The following BMF variants were observed in gnomAD, a reference collection of about 807,000 sequenced individuals.
The protein encoded by BMF is bcl-2-modifying factor.
BMF carries 10 observed loss-of-function variants against 22.0 expected under a neutral mutation model. The observed-to-expected ratio is 0.45, with a 90% confidence interval of 0.28 to 0.77. The LOEUF is 0.77. BMF is among the 30% of genes least tolerant of loss of function. The probability of loss-of-function intolerance (pLI) is 0.13; values close to 1 mark genes in which losing one functional copy is unlikely to be tolerated. For synonymous variants in BMF, 87 were observed against 88.1 expected, an observed-to-expected ratio of 0.99 and a Z score of 0.07; for missense variants, 206 against 226.8, an observed-to-expected ratio of 0.91 and a Z score of 0.59.
At chr15:40,104,943 T>G (rs1046159964) in intron 3 of BMF, among the ~76,000 whole-genome samples, 1 of 152,170 alleles carries the variant, frequency 6.6e-6, no homozygotes. Flanking sequence ...ACTTACCCAG[T>G]GCACGCGTTA....
chr15:40,091,940 G>A lies in BMF; in HGVS notation c.454-52C>T, dbSNP rs752020219. 9.1e-6 allele frequency: 12 copies of A among 1,323,120 alleles called. No homozygotes were observed. The African/African-American group carries it at 1.8e-4, about 20-fold the overall frequency. 82.0% of individuals were successfully genotyped at this position (1,323,120 alleles called of 1,614,324 possible). On this transcript the variant is annotated intron_variant, in intron 4 of 4. Coordinates refer to ENST00000354670, the MANE Select transcript of BMF (RefSeq NM_001003940.2). ...AACATAACTCCCAAACGCAATCTTA[G>A]ACGACTCCCTCTCATTTCCAGTAAA...
intron 4 of BMF, among the ~76,000 whole-genome samples, chr15:40,099,146 C>T (rs1020801269): frequency 3.9e-5 from 6 of 152,224 alleles, no homozygotes; most frequent in Non-Finnish European, 8.8e-5. Context: ...CCGGGGCTGT[C>T]CCATCTAGAC....
intron 4 of BMF, among the ~76,000 whole-genome samples, chr15:40,092,483 G>A (rs1236951624): frequency 6.6e-6 from 1 of 151,778 alleles, no homozygotes; most frequent in Non-Finnish European, 1.5e-5. Context: ...ACACCCTTGT[G>A]CGCCCGCCCG....
At chr15:40,097,078 T>C (rs1440121601) in intron 4 of BMF, among the ~76,000 whole-genome samples, 3 of 152,178 alleles carry the variant, frequency 2.0e-5, no homozygotes, top group African/African-American at 7.2e-5. Flanking sequence ...ACAGGAACAT[T>C]GAGAGCAGGA....
In BMF at chr15:40,091,557, CTCCT is replaced by C; in HGVS notation, c.*226_*229del. 2.1e-6 allele frequency: 1 copy of C among 479,550 alleles called. No individual in the cohort carries two copies. The highest frequency in any genetic ancestry group is 3.7e-6 in the Non-Finnish European group (1 of 268,760). The allele number at this position is 479,550 out of a possible 1,614,324, so 29.7% of individuals were successfully genotyped here. On this transcript the variant is annotated 3_prime_UTR_variant, in exon 5 of 5. Transcript: ENST00000354670. ...CTCACCATCACAGACACATCAGCCT[CTCCT>C]TCAACAGTGTTTGACAAAGGCCCCC...
At chr15:40,091,941 A>G (rs1329365007) in intron 4 of BMF, 53 bp from the exon 5 acceptor site, 2 of 1,320,248 alleles carry the variant, frequency 1.5e-6, no homozygotes, top group East Asian at 2.5e-5. Flanking sequence ...GCAATCTTAG[A>G]CGACTCCCTC....
intron 4 of BMF, among the ~76,000 whole-genome samples, chr15:40,093,242 C>T (rs932567410): frequency 6.6e-6 from 1 of 152,180 alleles, no homozygotes; most frequent in African/African-American, 2.4e-5. Flanking sequence ...AGGCAGCTGG[C>T]CTCAGGGCCT....
chr15:40,099,131 C>T (rs183994553), intron 4 of BMF, among the ~76,000 whole-genome samples: 1 of 152,346 alleles, frequency 6.6e-6, no homozygotes, highest in Non-Finnish European at 1.5e-5. Context: ...CTCTGGGGCC[C>T]CTGCCCGGGG....
chr15:40,097,827 G>A (rs144035026), intron 4 of BMF, among the ~76,000 whole-genome samples: 3 of 152,128 alleles, frequency 2.0e-5, no homozygotes, highest in South Asian at 2.1e-4. Context: ...CAACAGGGCC[G>A]GCCTGGGGAG....
At chr15:40,107,197 C>G (rs928557779) in intron 2 of BMF, among the ~76,000 whole-genome samples, 7 of 152,190 alleles carry the variant, frequency 4.6e-5, no homozygotes, top group Non-Finnish European at 8.8e-5. Context: ...AAGCAGCAAC[C>G]ACCTGAACAG....
rs191590280 is a variant in BMF at position 40,107,728 on chromosome 15, T to C, written c.-6+531A>G. On this transcript the variant is annotated intron_variant, in intron 2 of 4. Transcript: ENST00000354670. ...TCTTCTCAGGCTAGCAATCTTGACCTAAGAAGGGGCCCTCAAAGCCAATCA... is the reference window on the plus strand; with the variant it reads ...TCTTCTCAGGCTAGCAATCTTGACCCAAGAAGGGGCCCTCAAAGCCAATCA... Among the ~76,000 whole-genome samples the C allele has an allele frequency of 1.8e-4, 27 of 152,246 alleles. No individual in the cohort carries two copies. The East Asian group carries it at 4.8e-3, about 27-fold the overall frequency.
intron 1 of BMF, 182 bp downstream of exon 1, chr15:40,108,591 C>G (rs2036634942): frequency 6.5e-6 from 1 of 152,700 alleles, no homozygotes; most frequent in South Asian, 2.1e-4. Context: ...GAGCAGCGCA[C>G]CCAACTGTGG....
At chr15:40,107,596 G>A (rs2036615655) in intron 2 of BMF, among the ~76,000 whole-genome samples, 1 of 151,282 alleles carries the variant, frequency 6.6e-6, no homozygotes, top group African/African-American at 2.4e-5. Context: ...GGGTGAGGTG[G>A]TGCACTCCAG....
chr15:40,108,245 C>CAT lies in BMF; in HGVS notation c.-6+13_-6+14insAT, dbSNP rs1179008128. On this transcript the variant is annotated intron_variant, in intron 2 of 4. Coordinates refer to ENST00000354670, the MANE Select transcript of BMF (RefSeq NM_001003940.2). ...ACACACACACACACACACACACACA[C>CAT]ACACACCCCAGACCTGGGTGACTCC... The CAT allele has an allele frequency of 3.2e-5, 5 of 154,736 alleles. No homozygotes were observed. In the East Asian group the frequency reaches 9.5e-4, roughly 29 times the overall value. 9.6% of individuals were successfully genotyped at this position (154,736 alleles called of 1,614,324 possible).
rs565532683 is a variant in BMF, at chr15:40,090,516, A to C, written c.*1271T>G. On this transcript the variant is annotated 3_prime_UTR_variant, in exon 5 of 5. Transcript: ENST00000354670. The stretch of plus-strand genomic sequence containing the variant: ...ACACCGGCTGCTTTAGATCCTCTCC[A>C]TAAGTGCCGCAGCAGGGAGAGAAGG... 1 of 152,676 alleles carries C rather than the reference A, an allele frequency of 6.5e-6. No individual in the cohort carries two copies. The highest frequency in any genetic ancestry group is 1.9e-4 in the East Asian group (1 of 5,204). 9.5% of individuals were successfully genotyped at this position (152,676 alleles called of 1,614,324 possible). A position where few individuals can be genotyped will look rare whatever the true frequency, so the allele number is the denominator to read the frequency against.
intron 3 of BMF, among the ~76,000 whole-genome samples, chr15:40,105,489 C>T (rs1402119039): frequency 6.6e-6 from 1 of 152,182 alleles, no homozygotes. Flanking sequence ...GCAACAGGAG[C>T]CACTTTATAG....
chr15:40,105,303 T>C (rs1371661143), intron 3 of BMF, among the ~76,000 whole-genome samples: 1 of 152,230 alleles, frequency 6.6e-6, no homozygotes, highest in Non-Finnish European at 1.5e-5. Context: ...TCCCCTCTCC[T>C]GGCATTGGGC....
At chr15:40,091,931 G>A (rs16970349) in intron 4 of BMF, 43 bp from the exon 5 acceptor site, 80,216 of 1,421,492 alleles carry the variant, frequency 0.056, 2,985 homozygotes, top group East Asian at 0.14. Context: ...ACTCCCAAAC[G>A]CAATCTTAGA....
chr15:40,095,625 C>T (rs189449078), intron 4 of BMF, among the ~76,000 whole-genome samples: 7 of 152,142 alleles, frequency 4.6e-5, no homozygotes, highest in Non-Finnish European at 1.0e-4. Context: ...TCCCAGAATA[C>T]ACAGTCAGGG....
Sources: gnomAD v4.1 joint callset for allele counts (sites outside exome capture counted in the v4.1 genomes callset) on GRCh38, gnomAD v4.1.1 for gene constraint, MANE v1.5 for transcripts, NCBI Gene and HGNC (gene_info 2026-07-23, HGNC 2026-07-21) for gene names.